Variants in MYH14 observed in about 807,000 individuals in gnomAD.
The protein encoded by MYH14 is myosin heavy chain 14.
MYH14 carries 123 observed loss-of-function variants against 255.5 expected under a neutral mutation model. That is an observed-to-expected ratio of 0.48 (90% CI 0.42 to 0.56). The LOEUF (loss-of-function observed/expected upper bound fraction) is 0.56. Among genes scored for constraint, MYH14 ranks in the 20% least tolerant of loss-of-function variants. The pLI, the probability that MYH14 is intolerant of heterozygous loss-of-function variation, is 0.00. For missense variants in MYH14, 2,423 were observed against 2,802.3 expected, an observed-to-expected ratio of 0.86 and a Z score of 3.06; for synonymous variants, 1,095 against 1,161.2, an observed-to-expected ratio of 0.94 and a Z score of 1.16.
chr19:50,213,241 A>G (rs780281549), intron 2 of MYH14, among the ~76,000 whole-genome samples: 30 of 152,120 alleles, frequency 2.0e-4, no homozygotes, highest in Non-Finnish European at 3.8e-4. Context: ...GAGCCACTGC[A>G]TCCGGCCACT....
chr19:50,295,233 G>A (rs184423792), intron 39 of MYH14, among the ~76,000 whole-genome samples: 2,015 of 152,066 alleles, frequency 0.013, 50 homozygotes, highest in East Asian at 0.07. Context: ...GCTGAGGCAG[G>A]AGAATGGCAT....
At position 50,293,491 on chromosome 19, in the gene MYH14, C is replaced by T; in HGVS notation, c.5346-73C>T. 1 of 1,591,520 alleles carries T rather than the reference C, an allele frequency of 6.3e-7. No individual in the cohort carries two copies. Among genetic ancestry groups the T allele is most frequent in the Non-Finnish European group, 8.6e-7 (1 of 1,169,062 alleles). On this transcript the variant is annotated intron_variant, in intron 38 of 42. Transcript: ENST00000642316. This position sits in a 1 kb window ranked among gnomAD's most constrained non-coding sequence, Gnocchi z 4.1. Reference sequence around the variant, plus strand: ...AGATGCGTGGGGCTAACCACAGGGTCCTGTAGTGTGAGGCAAGGCACCCTC... The same window carrying T: ...AGATGCGTGGGGCTAACCACAGGGTTCTGTAGTGTGAGGCAAGGCACCCTC...
At position 50,301,730 on chromosome 19, in the gene MYH14, C is replaced by T. The variant is rs2036487589; in HGVS notation, c.5539C>T (p.Gln1847Ter). ...FSAKAESGRQ[Q>*]LERQIQELRG... ...AGCCAAGGCAGAGAGCGGGCGGCAG[C>T]AGCTGGAACGGCAGATCCAGGAGCT... Residue 1847 changes from glutamine (Q) to a stop codon, truncating the protein, a stop_gained, in exon 40 of 43, where the codon CAG (glutamine) becomes TAG (stop). Transcript: ENST00000642316. LOFTEE classifies it high-confidence loss of function. 1 of 1,613,962 alleles carries T rather than the reference C, an allele frequency of 6.2e-7. No individual in the cohort carries two copies. Among genetic ancestry groups the T allele is most frequent in the African/African-American group, 1.3e-5 (1 of 75,050 alleles).
intron 2 of MYH14, among the ~76,000 whole-genome samples, chr19:50,211,461 A>G (rs1459349817): frequency 6.6e-6 from 1 of 152,252 alleles, no homozygotes; most frequent in Non-Finnish European, 1.5e-5. Flanking sequence ...GAGGCAAATG[A>G]GGCCCAGAGA....
intron 3 of MYH14, among the ~76,000 whole-genome samples, chr19:50,222,476 T>C (rs2032881244): frequency 8.9e-6 from 1 of 112,876 alleles, no homozygotes; most frequent in African/African-American, 3.2e-5. Flanking sequence ...CAAGACTCCG[T>C]CTCAAAAAAA....
At chr19:50,284,085 C>CAAAAAA (rs1289256025) in intron 33 of MYH14, among the ~76,000 whole-genome samples, 1 of 116,942 alleles carries the variant, frequency 8.6e-6, no homozygotes, top group African/African-American at 3.9e-5. Flanking sequence ...AAAAACAAAA[C>CAAAAAA]AAAAAACAAA....
rs373763780 is a variant in MYH14, at chr19:50,261,616, C to T, written c.2566C>T (p.Arg856Trp). Residue 856 changes from arginine to tryptophan, a missense_variant, in exon 21 of 43, where the codon CGG becomes TGG. Around this residue, in one of 3 missense-constraint regions of MYH14, gnomAD observed 1,513 missense variants for 1,674.8 expected, o/e 0.90. Coordinates refer to ENST00000642316, the MANE Select transcript of MYH14 (RefSeq NM_001145809.2). ...DIIVSFQAAA[R>W]GYLARRAFQK... ...CATCGTCTCCTTCCAGGCAGCTGCC[C>T]GGGGATACCTGGCTCGCAGGTGGGC... 52 of 1,599,058 alleles carry T rather than the reference C, an allele frequency of 3.3e-5. No homozygotes were observed. Among genetic ancestry groups the T allele is most frequent in the Non-Finnish European group, 3.8e-5 (45 of 1,174,002 alleles).
At chr19:50,275,079 A>G (rs2035455645) in intron 27 of MYH14, among the ~76,000 whole-genome samples, 1 of 152,092 alleles carries the variant, frequency 6.6e-6, no homozygotes, top group East Asian at 1.9e-4. Flanking sequence ...AGTTATTTTT[A>G]TCGCCATCTC....
In MYH14 at chr19:50,261,457, C is replaced by A; in HGVS notation, c.2425-18C>A. The A allele has an allele frequency of 1.4e-6, 2 of 1,384,744 alleles. No individual in the cohort carries two copies. The highest frequency in any genetic ancestry group is 1.9e-6 in the Non-Finnish European group (2 of 1,077,562). The allele number at this position is 1,384,744 out of a possible 1,614,324, so 85.8% of individuals were successfully genotyped here. ...CATCACCCCCTCTCCGTCATCACCC[C>A]TCTCCCACCCCTCACAGATCCAGGC... On this transcript the variant is annotated intron_variant, in intron 20 of 42. Transcript: ENST00000642316.
chr19:50,231,820 C>T (rs2033405504), intron 9 of MYH14, 110 bp from the exon 10 acceptor site: 1 of 1,461,068 alleles, frequency 6.8e-7, no homozygotes, highest in Admixed American at 1.8e-5. Context: ...AGGCCCCCAC[C>T]CACTTGACAG....
chr19:50,247,644 G>A (rs560232220), intron 12 of MYH14, among the ~76,000 whole-genome samples: 2 of 152,268 alleles, frequency 1.3e-5, no homozygotes. Context: ...TGTTGGTCAG[G>A]AAAGTCCTCT....
At chr19:50,288,123 T>G (rs771514508) in intron 34 of MYH14, among the ~76,000 whole-genome samples, 3 of 152,236 alleles carry the variant, frequency 2.0e-5, no homozygotes, top group Non-Finnish European at 4.4e-5. Flanking sequence ...CCATCCTTCC[T>G]TCATTCATCC....
chr19:50,233,820 C>CCG (rs2033528675), intron 10 of MYH14, among the ~76,000 whole-genome samples: 1 of 70,984 alleles, frequency 1.4e-5, no homozygotes, highest in South Asian at 8.1e-4. Context: ...CCCCCCGACC[C>CCG]CCCCGCCCCA....
intron 10 of MYH14, among the ~76,000 whole-genome samples, chr19:50,232,679 G>T (rs1310423148): frequency 6.6e-6 from 1 of 151,986 alleles, no homozygotes; most frequent in South Asian, 2.1e-4. Context: ...TTAAGCAGGG[G>T]CTCAGGGGAG....
rs555537892 is a variant in MYH14 at position 50,243,027 on chromosome 19, G to A, written c.1115-1215G>A. ...TGGCTTTGGAGAAATGATAAAATAC[G>A]TGTGTGAGATCAGCTTCCTCCAGGT... On this transcript the variant is annotated intron_variant, in intron 10 of 42. Coordinates refer to ENST00000642316, the MANE Select transcript of MYH14 (RefSeq NM_001145809.2). Among the ~76,000 whole-genome samples the A allele has an allele frequency of 3.3e-5, 5 of 152,248 alleles. No homozygotes were observed. The East Asian group carries it at 7.7e-4, about 24-fold the overall frequency.
At chr19:50,233,978 C>T (rs1376321544) in intron 10 of MYH14, among the ~76,000 whole-genome samples, 1 of 151,800 alleles carries the variant, frequency 6.6e-6, no homozygotes, top group South Asian at 2.1e-4. Flanking sequence ...CCACCACACC[C>T]GGCTAATTTT....
intron 2 of MYH14, among the ~76,000 whole-genome samples, chr19:50,211,793 G>A (rs2032208107): frequency 6.6e-6 from 1 of 151,142 alleles, no homozygotes; most frequent in Non-Finnish European, 1.5e-5. Context: ...ACCATCCTGG[G>A]CATGGCAAAA....
rs114620610 is a variant in MYH14 at position 50,247,138 on chromosome 19, G to A, written c.1329+16G>A. ...TAAGGAACAGGTAGGCGGGGCTGGC[G>A]GTGGGCAGGCACAGAAAGAGCCGCG... On this transcript the variant is annotated intron_variant, in intron 12 of 42. Coordinates refer to ENST00000642316, the MANE Select transcript of MYH14 (RefSeq NM_001145809.2). 2,548 of 1,582,096 alleles carry A rather than the reference G, an allele frequency of 1.6e-3. 26 individuals are homozygous for A. The African/African-American group carries it at 0.028, about 17-fold the overall frequency.
chr19:50,231,280 T>G lies in MYH14; in HGVS notation c.974-650T>G, dbSNP rs1319786915. 7.9e-5 allele frequency among the ~76,000 whole-genome samples: 12 copies of G among 152,380 alleles called. No homozygotes were observed. In the East Asian group the frequency reaches 2.3e-3, roughly 29 times the overall value. ...TCACTGTGGCCTTTGAGACCGCATG[T>G]CCTTGGGCGCCGGCCCCTGCCATCC... On this transcript the variant is annotated intron_variant, in intron 9 of 42. Coordinates refer to ENST00000642316, the MANE Select transcript of MYH14 (RefSeq NM_001145809.2).
Sources: gnomAD v4.1 joint callset for allele counts (sites outside exome capture counted in the v4.1 genomes callset) on GRCh38, gnomAD v4.1.1 for gene constraint, gnomAD v4.1.1 regional missense constraint, Gnocchi (gnomAD v3.1) non-coding constraint, MANE v1.5 for transcripts, NCBI Gene and HGNC (gene_info 2026-07-23, HGNC 2026-07-21) for gene names.